The following IVNS1ABP variants were observed in gnomAD, a reference collection of about 807,000 sequenced individuals.
The protein encoded by IVNS1ABP is influenza virus NS1A-binding protein.
A neutral mutation model predicts 78.9 loss-of-function variants in IVNS1ABP; 25 were observed. The observed-to-expected ratio is 0.32, with a 90% CI of 0.23 to 0.44. IVNS1ABP has a LOEUF of 0.44. IVNS1ABP is among the 20% of genes least tolerant of loss of function. The pLI, the probability that IVNS1ABP is intolerant of heterozygous loss-of-function variation, is 1.00. For synonymous variants in IVNS1ABP, 241 were observed against 259.7 expected, an observed-to-expected ratio of 0.93 and a Z score of 0.69; for missense variants, 494 against 768.9, an observed-to-expected ratio of 0.64 and a Z score of 4.23.
chr1:185,299,792 T>A lies in IVNS1ABP; in HGVS notation c.1593A>T (p.Arg531=). The part of the protein sequence containing the change: ...ESWNCLNTVE[R]YNPENNTWTL... The stretch of plus-strand genomic sequence containing the variant: ...TCCAGGTATTATTTTCAGGATTGTA[T>A]CGTTCTACTGTGTTCAGACAATTCC... The change falls in exon 14 of 15, where the codon CGA becomes CGT. Residue 531 remains arginine, a synonymous_variant. Transcript: ENST00000367498. The A allele has an allele frequency of 6.2e-7, 1 of 1,613,656 alleles. No homozygotes were observed. The highest frequency in any genetic ancestry group is 1.1e-5 in the South Asian group (1 of 91,082).
chr1:185,316,177 A>G (rs918069092), intron 1 of IVNS1ABP, among the ~76,000 whole-genome samples: 5 of 152,220 alleles, frequency 3.3e-5, no homozygotes, highest in Non-Finnish European at 7.3e-5. Flanking sequence ...AAAAAGAAAG[A>G]GCGTCCCAGG....
At chr1:185,308,758 A>G (rs771404623) in intron 5 of IVNS1ABP, 42 bp downstream of exon 5, 15 of 1,422,354 alleles carry the variant, frequency 1.1e-5, no homozygotes, top group African/African-American at 2.8e-5. Context: ...ATCACACAAA[A>G]TAAGACTCCA....
intron 1 of IVNS1ABP, among the ~76,000 whole-genome samples, chr1:185,314,048 G>C (rs748991666): frequency 6.6e-6 from 1 of 152,134 alleles, no homozygotes; most frequent in African/African-American, 2.4e-5. Context: ...CCTTCAGTAA[G>C]ACCAAGATAA....
chr1:185,312,025 T>A (rs1055903838), intron 1 of IVNS1ABP, among the ~76,000 whole-genome samples: 1 of 152,250 alleles, frequency 6.6e-6, no homozygotes, highest in Non-Finnish European at 1.5e-5. Context: ...GCAAACCTTC[T>A]GTCTTGTTCA....
rs1665421109 is a variant in IVNS1ABP, at chr1:185,296,469, C to A, written c.*1566G>T. ...ACAGATCCATATTAAAAACAGTCAT[C>A]ATATTAGGCAAATTCAATCTGTCAA... is the stretch of plus-strand genomic sequence containing the variant. On this transcript the variant is annotated 3_prime_UTR_variant, in exon 15 of 15. Transcript: ENST00000367498. 1 of 152,046 alleles carries A rather than the reference C, an allele frequency of 6.6e-6. No individual in the cohort carries two copies. The highest frequency in any genetic ancestry group is 1.5e-5 in the Non-Finnish European group (1 of 67,988). 9.4% of individuals were successfully genotyped at this position (152,046 alleles called of 1,614,324 possible). A position where few individuals can be genotyped will look rare whatever the true frequency, so the allele number is the denominator to read the frequency against.
Position 185,309,095 on chromosome 1 carries a change from A to G in IVNS1ABP, c.189T>C (p.Ser63=). The G allele has an allele frequency of 2.5e-6, 4 of 1,612,576 alleles. No individual in the cohort carries two copies. The highest frequency in any genetic ancestry group is 3.4e-6 in the Non-Finnish European group (4 of 1,178,866). ...CSPYLFEIFN[S]DSDPHGISHV... is the part of the protein sequence containing the mutation. Reference sequence around the variant, plus strand: ...GAGAAATTCCATGAGGATCACTATCACTATTAAAGATTTCAAATAAATAGG... The same window carrying G: ...GAGAAATTCCATGAGGATCACTATCGCTATTAAAGATTTCAAATAAATAGG... Residue 63 remains serine, a synonymous_variant, in exon 4 of 15, where the codon AGT becomes AGC. Transcript: ENST00000367498.
chr1:185,307,230 C>A, intron 6 of IVNS1ABP, 91 bp from the exon 7 acceptor site: 1 of 1,435,288 alleles, frequency 7.0e-7, no homozygotes, highest in South Asian at 1.2e-5. Context: ...GTCACAGATG[C>A]ACAATTCATT....
chr1:185,308,845 A>G lies in IVNS1ABP; in HGVS notation c.312T>C (p.Asp104=). The G allele has an allele frequency of 6.2e-7, 1 of 1,610,928 alleles. No individual in the cohort carries two copies. The highest frequency in any genetic ancestry group is 1.1e-5 in the South Asian group (1 of 90,928). ...QLKADKELVK[D]VYSAAKKLKM... is the part of the protein sequence containing the mutation. ...TCAGCTTTTTTGCTGCAGAATAAAC[A>G]TCTTTTACCAATTCCTTATCTGCTT... Residue 104 remains aspartate, a synonymous_variant, in exon 5 of 15, where the codon GAT becomes GAC. Transcript: ENST00000367498.
rs1319566044 is a variant in IVNS1ABP at position 185,297,585 on chromosome 1, T to A, written c.*450A>T. On this transcript the variant is annotated 3_prime_UTR_variant, in exon 15 of 15. Coordinates refer to ENST00000367498, the MANE Select transcript of IVNS1ABP (RefSeq NM_006469.5). The stretch of plus-strand genomic sequence containing the variant: ...AAAAACAAAAATAGTCAATGTCATC[T>A]ATTTAAATAAGTATCCTTTGTTATA... The A allele has an allele frequency of 1.3e-5, 2 of 155,902 alleles. No homozygotes were observed. Among genetic ancestry groups the A allele is most frequent in the African/African-American group, 4.8e-5 (2 of 41,566 alleles). 9.7% of individuals were successfully genotyped at this position (155,902 alleles called of 1,614,324 possible).
chr1:185,308,115 G>C (rs972517001), intron 5 of IVNS1ABP: 4 of 1,384,466 alleles, frequency 2.9e-6, no homozygotes, highest in Non-Finnish European at 3.9e-6. Context: ...TAAATGCAGG[G>C]ATATGTACTG....
intron 7 of IVNS1ABP, 89 bp downstream of exon 7, chr1:185,306,925 G>C (rs139008170): frequency 1.4e-6 from 2 of 1,433,348 alleles, no homozygotes; most frequent in East Asian, 2.3e-5. Context: ...TTAGGGTCAT[G>C]GTTATAAAAT....
At position 185,309,703 on chromosome 1, in the gene IVNS1ABP, T is replaced by C. The variant is rs185526041; in HGVS notation, c.-18-192A>G. On this transcript the variant is annotated intron_variant, in intron 2 of 14. Coordinates refer to ENST00000367498, the MANE Select transcript of IVNS1ABP (RefSeq NM_006469.5). ...TCCAAGTCTTTGTTCCCTAATACTT[T>C]GGTCATAAGACTTTTAAAGGATTCA... Among the ~76,000 whole-genome samples, 86 of 152,338 alleles carry C rather than the reference T, an allele frequency of 5.6e-4. 1 individual carries two copies. The East Asian group carries it at 9.8e-3, about 17-fold the overall frequency.
In IVNS1ABP at chr1:185,316,933, G is replaced by A. The variant is rs1288735304; in HGVS notation, c.-247+20C>T. On this transcript the variant is annotated intron_variant, in intron 1 of 14. Transcript: ENST00000367498. The stretch of plus-strand genomic sequence containing the variant: ...GCGCCGTCTCCCTCATCTGTCGTTC[G>A]TAGAACCAGCGCGTATTACCTGGTT... 2.5e-6 allele frequency: 1 copy of A among 398,300 alleles called. No homozygotes were observed. Among genetic ancestry groups the A allele is most frequent in the Admixed American group, 4.4e-5 (1 of 22,730 alleles). 24.7% of individuals were successfully genotyped at this position (398,300 alleles called of 1,614,324 possible).
At position 185,300,284 on chromosome 1, in the gene IVNS1ABP, C is replaced by G; in HGVS notation, c.1302G>C (p.Glu434Asp). ...AGTCATCTATGTTTGAATCATACATCTCTCCACAACTCAGGTCATCTGAGT... is the reference window on the plus strand; with the variant it reads ...AGTCATCTATGTTTGAATCATACATGTCTCCACAACTCAGGTCATCTGAGT... ...NGHSDDLSCG[E>D]MYDSNIDDWI... Residue 434 changes from glutamate to aspartate, a missense_variant, in exon 12 of 15, where the codon GAG (glutamate) becomes GAC (aspartate). Glu to Asp is a conservative substitution (Grantham distance 45). Coordinates refer to ENST00000367498, the MANE Select transcript of IVNS1ABP (RefSeq NM_006469.5). 6.2e-7 allele frequency: 1 copy of G among 1,613,418 alleles called. No homozygotes were observed. Among genetic ancestry groups the G allele is most frequent in the Non-Finnish European group, 8.5e-7 (1 of 1,179,720 alleles).
Position 185,305,604 on chromosome 1 carries a change from C to G in IVNS1ABP, c.697G>C (p.Asp233His), listed in dbSNP as rs1665719009. 3 of 1,613,244 alleles carry G rather than the reference C, an allele frequency of 1.9e-6. No individual in the cohort carries two copies. The African/African-American group carries it at 4.0e-5, about 22-fold the overall frequency. ...LYYSADHKLL[D>H]GNLLDGQAEV... ...GCCTGTCCATCTAGTAGGTTCCCAT[C>G]AAGCAGCTTGTGATCAGCTGAGTAG... Residue 233 changes from aspartate (D) to histidine (H), a missense_variant, in exon 8 of 15, where the codon GAT (aspartate) becomes CAT (histidine). Transcript: ENST00000367498. This position sits in a 1 kb window ranked among gnomAD's most constrained non-coding sequence, Gnocchi z 4.0.
At chr1:185,310,603 A>AAAAAT (rs927125216) in intron 2 of IVNS1ABP, among the ~76,000 whole-genome samples, 2 of 152,120 alleles carry the variant, frequency 1.3e-5, no homozygotes, top group Admixed American at 1.3e-4. Context: ...TCCATCTTAA[A>AAAAAT]AAAATAAAAT....
chr1:185,301,587 A>G (rs747175333), intron 8 of IVNS1ABP, 24 bp from the exon 9 acceptor site: 1 of 1,612,080 alleles, frequency 6.2e-7, no homozygotes, highest in Non-Finnish European at 8.5e-7. Flanking sequence ...AGGTAGCTAC[A>G]GAAACCTAGC....
Position 185,305,862 on chromosome 1 carries a change from A to C in IVNS1ABP, c.658-219T>G. The C allele has an allele frequency of 2.0e-6, 1 of 498,668 alleles. No homozygotes were observed. The highest frequency in any genetic ancestry group is 3.6e-5 in the Admixed American group (1 of 27,934). 30.9% of individuals were successfully genotyped at this position (498,668 alleles called of 1,614,324 possible). Reference sequence around the variant, plus strand: ...CCAAAATCAAATACAAAATCTTCCAATACTGGCTGAAGAGTCGTTGGCTTG... The same window carrying C: ...CCAAAATCAAATACAAAATCTTCCACTACTGGCTGAAGAGTCGTTGGCTTG... On this transcript the variant is annotated intron_variant, in intron 7 of 14. Transcript: ENST00000367498. This position sits in a 1 kb window ranked among gnomAD's most constrained non-coding sequence, Gnocchi z 4.0.
Position 185,300,646 on chromosome 1 carries a change from C to T in IVNS1ABP, c.1121-88G>A, listed in dbSNP as rs540731830. The stretch of plus-strand genomic sequence containing the variant: ...GTCCTGTAAGTTTAAGAAATCTGCA[C>T]AATGAGAAAAAGTATTAAAACTTTT... On this transcript the variant is annotated intron_variant, in intron 10 of 14. Coordinates refer to ENST00000367498, the MANE Select transcript of IVNS1ABP (RefSeq NM_006469.5). 83 of 1,371,564 alleles carry T rather than the reference C, an allele frequency of 6.1e-5. 1 individual carries two copies. The South Asian group carries it at 1.1e-3, about 18-fold the overall frequency. 85.0% of individuals were successfully genotyped at this position (1,371,564 alleles called of 1,614,324 possible).
Sources: allele counts gnomAD v4.1 joint callset (sites outside exome capture counted in the v4.1 genomes callset), GRCh38; gene constraint gnomAD v4.1.1; non-coding constraint Gnocchi (gnomAD v3.1); transcripts MANE v1.5; gene names NCBI Gene and HGNC (gene_info 2026-07-23, HGNC 2026-07-21).